The following FIGN variants were observed in gnomAD, a reference collection of about 807,000 sequenced individuals.
FIGN encodes fidgetin.
FIGN carries 11 observed loss-of-function variants against 51.3 expected under a neutral mutation model. The observed-to-expected ratio is 0.21, with a 90% CI of 0.13 to 0.35. The LOEUF is 0.35. Ranked by LOEUF, FIGN falls within the 10% of genes least tolerant of loss-of-function variation. The pLI is 1.00. For synonymous variants in FIGN, 407 were observed against 363.2 expected (o/e 1.12, Z -1.37); for missense variants, 857 against 943.6 (o/e 0.91, Z 1.20).
At chr2:163,682,239 A>G (rs929657431) in intron 2 of FIGN, among the ~76,000 whole-genome samples, 2 of 152,248 alleles carry the variant, frequency 1.3e-5, no homozygotes, top group African/African-American at 4.8e-5. Context: ...TAAAAATCCC[A>G]TTTGTTTCAT....
chr2:163,627,528 G>A (rs1354740401), intron 2 of FIGN, among the ~76,000 whole-genome samples: 1 of 152,038 alleles, frequency 6.6e-6, no homozygotes, highest in East Asian at 1.9e-4. Context: ...GGACGAAGTG[G>A]GTTTTTATGC....
chr2:163,643,240 C>CA (rs1187380637), intron 2 of FIGN, among the ~76,000 whole-genome samples: 1 of 152,134 alleles, frequency 6.6e-6, no homozygotes, highest in Non-Finnish European at 1.5e-5. Flanking sequence ...TTATGGGCAA[C>CA]TGATTTTCTA....
rs980460477 is a variant in FIGN at position 163,611,420 on chromosome 2, C to G, written c.412G>C (p.Ala138Pro). 8.7e-6 allele frequency: 14 copies of G among 1,614,128 alleles called. No individual in the cohort carries two copies. The highest frequency in any genetic ancestry group is 1.2e-5 in the Non-Finnish European group (14 of 1,180,010). The part of the protein sequence containing the change: ...ITASKAGVSS[A>P]LPPADVSASI... ...GCAGAGACATCTGCTGGAGGGAGGG[C>G]TGAACTGACTCCAGCTTTGCTGGCA... The change falls in exon 3 of 3, where the codon GCC becomes CCC. Residue 138 changes from alanine (A) to proline (P), a missense_variant. Physicochemically the swap from Ala to Pro is conservative, Grantham distance 27 (BLOSUM62 -1). Transcript: ENST00000333129.
intron 2 of FIGN, among the ~76,000 whole-genome samples, chr2:163,657,184 C>G (rs1210649441): frequency 6.6e-6 from 1 of 150,994 alleles, no homozygotes; most frequent in Non-Finnish European, 1.5e-5. Flanking sequence ...AGGGAAGGAC[C>G]AAAAAGAAAT....
intron 2 of FIGN, among the ~76,000 whole-genome samples, chr2:163,683,767 G>A (rs1220416699): frequency 6.6e-6 from 1 of 152,182 alleles, no homozygotes; most frequent in Admixed American, 6.5e-5. Flanking sequence ...ATTCTAATGT[G>A]CGGCCAAGGT....
At chr2:163,672,641 C>T (rs1365716828) in intron 2 of FIGN, among the ~76,000 whole-genome samples, 1 of 152,148 alleles carries the variant, frequency 6.6e-6, no homozygotes, top group African/African-American at 2.4e-5. Context: ...AGTGCCGATT[C>T]CATGCTTCAA....
At position 163,610,976 on chromosome 2, in the gene FIGN, G is replaced by T; in HGVS notation, c.856C>A (p.Pro286Thr). The stretch of plus-strand genomic sequence containing the variant: ...GTGTAGCCAGGAACAGTGGTGGGGG[G>T]TAGGGGGGTGGGAGCAGGAATTCCT... ...PSGIPAPTPLPPTTVPGYTYQ... is the reference protein window; with the variant it reads ...PSGIPAPTPLTPTTVPGYTYQ... The change falls in exon 3 of 3, where the codon CCC (proline) becomes ACC (threonine). Residue 286 changes from proline (P) to threonine (T), a missense_variant. Transcript: ENST00000333129. The T allele has an allele frequency of 6.2e-7, 1 of 1,613,554 alleles. No individual in the cohort carries two copies. The highest frequency in any genetic ancestry group is 8.5e-7 in the Non-Finnish European group (1 of 1,179,850).
intron 2 of FIGN, among the ~76,000 whole-genome samples, chr2:163,624,395 T>C (rs1419221459): frequency 2.0e-5 from 3 of 151,306 alleles, no homozygotes; most frequent in Non-Finnish European, 4.4e-5. Context: ...TCTCTACCCA[T>C]TTATAGCTTT....
At chr2:163,663,022 T>A (rs949614634) in intron 2 of FIGN, among the ~76,000 whole-genome samples, 3 of 152,190 alleles carry the variant, frequency 2.0e-5, no homozygotes, top group Non-Finnish European at 4.4e-5. Flanking sequence ...TTGGTATGTC[T>A]TTGTCAGCAG....
chr2:163,672,925 C>T (rs1374278105), intron 2 of FIGN, among the ~76,000 whole-genome samples: 1 of 152,092 alleles, frequency 6.6e-6, no homozygotes, highest in Admixed American at 6.6e-5. Context: ...ATTTCTGTAA[C>T]TTTCCAAAGA....
chr2:163,709,721 G>A, intron 2 of FIGN, among the ~76,000 whole-genome samples: 1 of 151,926 alleles, frequency 6.6e-6, no homozygotes, highest in East Asian at 1.9e-4. Context: ...CTATAACAAG[G>A]TAAAATAAAC....
At chr2:163,711,198 A>G (rs921226254) in intron 2 of FIGN, among the ~76,000 whole-genome samples, 3 of 152,190 alleles carry the variant, frequency 2.0e-5, no homozygotes, top group Non-Finnish European at 4.4e-5. Flanking sequence ...TGGAATTCTA[A>G]TTGTGTTTAA....
chr2:163,732,796 T>C (rs1684951958), intron 2 of FIGN, among the ~76,000 whole-genome samples: 1 of 152,234 alleles, frequency 6.6e-6, no homozygotes, highest in African/African-American at 2.4e-5. Context: ...ACCTCGGACC[T>C]AACTTTTAGA....
At chr2:163,629,175 A>G (rs1473697456) in intron 2 of FIGN, among the ~76,000 whole-genome samples, 1 of 152,186 alleles carries the variant, frequency 6.6e-6, no homozygotes, top group African/African-American at 2.4e-5. Flanking sequence ...AATTTTAAGG[A>G]GTAGGAAATG....
At chr2:163,614,460 C>G (rs1682835470) in intron 2 of FIGN, among the ~76,000 whole-genome samples, 1 of 151,972 alleles carries the variant, frequency 6.6e-6, no homozygotes, top group African/African-American at 2.4e-5. Context: ...TCTAAGAGAC[C>G]TACAAATTCA....
intron 2 of FIGN, chr2:163,612,316 A>C: frequency 1.0e-6 from 1 of 985,430 alleles, no homozygotes; most frequent in Non-Finnish European, 1.2e-6. Context: ...CTGACAGATC[A>C]CATCTAGGAT....
chr2:163,629,279 T>C (rs1683107022), intron 2 of FIGN, among the ~76,000 whole-genome samples: 1 of 152,106 alleles, frequency 6.6e-6, no homozygotes, highest in African/African-American at 2.4e-5. Context: ...AGACAGAGTG[T>C]TTAATTGTAG....
At chr2:163,715,421 T>G (rs997627793) in intron 2 of FIGN, among the ~76,000 whole-genome samples, 1 of 152,052 alleles carries the variant, frequency 6.6e-6, no homozygotes, top group Admixed American at 6.5e-5. Flanking sequence ...GCCTGTCCCC[T>G]GGGGAAGGAA....
Position 163,735,046 on chromosome 2 carries a change from G to A in FIGN, c.-119C>T. 2.0e-6 allele frequency: 2 copies of A among 980,478 alleles called. No individual in the cohort carries two copies. The highest frequency in any genetic ancestry group is 3.1e-5 in the South Asian group (2 of 65,104). The allele number at this position is 980,478 out of a possible 1,614,324, so 60.7% of individuals were successfully genotyped here. On this transcript the variant is annotated 5_prime_UTR_variant, in exon 2 of 3. Coordinates refer to ENST00000333129, the MANE Select transcript of FIGN (RefSeq NM_018086.4). ...TCAAATGTCACTGCCTTGAAACGTG[G>A]GCCCTTTCGTCAGGTATTCATTTAA...
Sources: allele counts gnomAD v4.1 joint callset (sites outside exome capture counted in the v4.1 genomes callset), GRCh38; gene constraint gnomAD v4.1.1; transcripts MANE v1.5; gene names NCBI Gene and HGNC (gene_info 2026-07-23, HGNC 2026-07-21).